Variants in GPC5 observed in about 807,000 individuals in gnomAD.
GPC5 encodes glypican-5.
Under a neutral mutation model 53.9 loss-of-function variants are expected in GPC5, and 47 were observed. The observed-to-expected ratio is 0.87, with a 90% CI of 0.69 to 1.11. The LOEUF (loss-of-function observed/expected upper bound fraction) is 1.11, where lower values mean the gene tolerates loss of function less well. GPC5 is among the 50% of genes most tolerant of loss of function. The pLI is 0.00. For synonymous variants in GPC5, 286 were observed against 263.3 expected (o/e 1.09, Z -0.84); for missense variants, 748 against 713.1 (o/e 1.05, Z -0.56).
chr13:91,631,610 C>T (rs1345366131), intron 2 of GPC5, among the ~76,000 whole-genome samples: 1 of 152,074 alleles, frequency 6.6e-6, no homozygotes, highest in African/African-American at 2.4e-5. Flanking sequence ...TCTTTTAAAA[C>T]TGTGGGTAGG....
At chr13:92,268,351 T>C (rs1312848793) in intron 7 of GPC5, among the ~76,000 whole-genome samples, 3 of 145,262 alleles carry the variant, frequency 2.1e-5, no homozygotes, top group Non-Finnish European at 4.5e-5. Context: ...TATATCTCTT[T>C]CTATACTTTT....
chr13:92,450,382 C>A (rs192871403), intron 7 of GPC5, among the ~76,000 whole-genome samples: 1 of 152,116 alleles, frequency 6.6e-6, no homozygotes, highest in Non-Finnish European at 1.5e-5. Flanking sequence ...ATGTCTCATA[C>A]ATAACTTATA....
chr13:92,839,731 A>AAAT (rs1878356584), intron 7 of GPC5, among the ~76,000 whole-genome samples: 1 of 152,066 alleles, frequency 6.6e-6, no homozygotes, highest in Non-Finnish European at 1.5e-5. Flanking sequence ...AAAAATAATA[A>AAAT]AATAGACTGC....
intron 2 of GPC5, among the ~76,000 whole-genome samples, chr13:91,618,031 G>A (rs866658879): frequency 3.3e-5 from 5 of 152,136 alleles, no homozygotes; most frequent in Middle Eastern, 3.4e-3. Flanking sequence ...ATCACTCTTA[G>A]CTTGTGGGTT....
At chr13:91,895,433 A>G (rs1194443767) in intron 5 of GPC5, among the ~76,000 whole-genome samples, 2 of 152,168 alleles carry the variant, frequency 1.3e-5, no homozygotes, top group East Asian at 1.9e-4. Context: ...CTTGACTACA[A>G]GGTGCTGAGG....
chr13:91,555,782 G>A (rs2030912411), intron 2 of GPC5, among the ~76,000 whole-genome samples: 1 of 152,038 alleles, frequency 6.6e-6, no homozygotes, highest in South Asian at 2.1e-4. Context: ...CCTTGCAGCA[G>A]GCAAAAGAGA....
chr13:92,182,392 C>A (rs1265702050), intron 7 of GPC5, among the ~76,000 whole-genome samples: 3 of 152,106 alleles, frequency 2.0e-5, no homozygotes, highest in African/African-American at 4.8e-5. Flanking sequence ...GATCAAGTAA[C>A]CCCACTTTTA....
At chr13:91,941,213 T>C (rs2039923959) in intron 6 of GPC5, among the ~76,000 whole-genome samples, 1 of 152,168 alleles carries the variant, frequency 6.6e-6, no homozygotes, top group Non-Finnish European at 1.5e-5. Context: ...TCTATGTGTC[T>C]GCTTTTGTAC....
chr13:92,042,641 G>T (rs1190765597), intron 6 of GPC5, among the ~76,000 whole-genome samples: 1 of 152,162 alleles, frequency 6.6e-6, no homozygotes, highest in East Asian at 1.9e-4. Context: ...GGGGTAATCA[G>T]ATTTGCTGCA....
intron 6 of GPC5, among the ~76,000 whole-genome samples, chr13:91,984,681 G>A (rs2040390698): frequency 6.6e-6 from 1 of 152,098 alleles, no homozygotes; most frequent in South Asian, 2.1e-4. Context: ...GTGTACCTTA[G>A]TAATTTCAAT....
chr13:91,729,238 AC>A (rs2036642517), intron 4 of GPC5, among the ~76,000 whole-genome samples: 1 of 152,200 alleles, frequency 6.6e-6, no homozygotes, highest in Non-Finnish European at 1.5e-5. Context: ...TCGCTAACTC[AC>A]ATTTCTACCA....
intron 7 of GPC5, among the ~76,000 whole-genome samples, chr13:92,292,303 C>T (rs2139185464): frequency 6.6e-6 from 1 of 152,318 alleles, no homozygotes; most frequent in East Asian, 1.9e-4. Context: ...TTCCCACCAG[C>T]AGTGTAGAAG....
chr13:92,189,522 CCACTA>C (rs1374433829), intron 7 of GPC5, among the ~76,000 whole-genome samples: 1 of 152,078 alleles, frequency 6.6e-6, no homozygotes, highest in Non-Finnish European at 1.5e-5. Flanking sequence ...CTCCAGCATG[CCACTA>C]CATTACTGAA....
intron 7 of GPC5, among the ~76,000 whole-genome samples, chr13:92,617,633 T>A (rs1884737144): frequency 6.6e-6 from 1 of 152,156 alleles, no homozygotes; most frequent in Non-Finnish European, 1.5e-5. Context: ...TTTTTTCTCT[T>A]TGTAGGTGTC....
chr13:92,565,580 CAGTAA>C (rs1203966692), intron 7 of GPC5, among the ~76,000 whole-genome samples: 1 of 152,024 alleles, frequency 6.6e-6, no homozygotes, highest in African/African-American at 2.4e-5. Context: ...TAATAACTTT[CAGTAA>C]AGTTGCCCTA....
At chr13:91,724,929 A>G (rs1400496859) in intron 3 of GPC5, 1 of 152,244 alleles carries the variant, frequency 6.6e-6, no homozygotes, top group Non-Finnish European at 1.5e-5. Flanking sequence ...AAAATAAACA[A>G]TTGAAGTTAT....
rs74999801 is a variant in GPC5, at chr13:91,490,706, A to G, written c.325+41784A>G. 1.7e-3 allele frequency among the ~76,000 whole-genome samples: 266 copies of G among 152,358 alleles called. 1 individual carries two copies. The highest frequency in any genetic ancestry group is 6.2e-3 in the African/African-American group (258 of 41,598). ...GATGGATACACGTTTAACTTACGTT[A>G]TGACCTGTCTAGGTCCAGCCCAGAG... On this transcript the variant is annotated intron_variant, in intron 2 of 7. Transcript: ENST00000377067.
intron 7 of GPC5, among the ~76,000 whole-genome samples, chr13:92,238,414 G>T (rs974519192): frequency 4.6e-5 from 7 of 152,008 alleles, no homozygotes; most frequent in African/African-American, 1.7e-4. Context: ...GTGTAAAGTG[G>T]TTTCTCAATG....
In GPC5 at chr13:92,128,407, C is replaced by T. The variant is rs1412638954; in HGVS notation, c.1402-16423C>T. On this transcript the variant is annotated intron_variant, in intron 6 of 7. Coordinates refer to ENST00000377067, the MANE Select transcript of GPC5 (RefSeq NM_004466.6). ...GTTACCTTAGACCAACTGACCAAAA[C>T]ACAAGATATGCTGTCACATTTTAAG... Among the ~76,000 whole-genome samples the T allele has an allele frequency of 2.6e-5, 4 of 152,208 alleles. No individual in the cohort carries two copies. The East Asian group carries it at 5.8e-4, about 22-fold the overall frequency.
Sources: allele counts gnomAD v4.1 joint callset (sites outside exome capture counted in the v4.1 genomes callset), GRCh38; gene constraint gnomAD v4.1.1; transcripts MANE v1.5; gene names NCBI Gene and HGNC (gene_info 2026-07-23, HGNC 2026-07-21).